The following GRIK2 variants were observed in gnomAD, a reference collection of about 807,000 sequenced individuals.
GRIK2 encodes glutamate receptor ionotropic, kainate 2.
A neutral mutation model predicts 100.3 loss-of-function variants in GRIK2; 32 were observed. The ratio of observed to expected loss-of-function variants is 0.32; its 90% CI spans 0.24 to 0.43. The LOEUF (loss-of-function observed/expected upper bound fraction) is 0.43. GRIK2 is among the 20% of genes least tolerant of loss of function. GRIK2 has a pLI of 1.00. For synonymous variants in GRIK2, 417 were observed against 389.4 expected (o/e 1.07, Z -0.83); for missense variants, 843 against 1,114.9 (o/e 0.76, Z 3.47).
chr6:101,920,489 A>G (rs973973612), intron 12 of GRIK2, among the ~76,000 whole-genome samples: 13 of 151,950 alleles, frequency 8.6e-5, no homozygotes, highest in Non-Finnish European at 1.6e-4. Flanking sequence ...TGAGAAGTAC[A>G]GTTTTAGCTG....
At chr6:101,988,261 C>A (rs1249545754) in intron 14 of GRIK2, among the ~76,000 whole-genome samples, 1 of 151,720 alleles carries the variant, frequency 6.6e-6, no homozygotes, top group Non-Finnish European at 1.5e-5. Context: ...TACATTTCCT[C>A]ACACCATTAT....
At chr6:102,030,776 C>G (rs559143179) in intron 14 of GRIK2, among the ~76,000 whole-genome samples, 57 of 151,152 alleles carry the variant, frequency 3.8e-4, no homozygotes, top group Admixed American at 1.6e-3. Context: ...CCTCTCCTGT[C>G]TTTTTCCACA....
intron 2 of GRIK2, among the ~76,000 whole-genome samples, chr6:101,541,376 C>CCCACACACACACATA (rs1554217240): frequency 7.2e-4 from 4 of 5,588 alleles, no homozygotes; most frequent in African/African-American, 1.1e-3. Context: ...GCGCACACAA[C>CCCACACACACACATA]CACACACACA....
chr6:101,834,839 T>C (rs1782957885), intron 10 of GRIK2, among the ~76,000 whole-genome samples: 1 of 151,628 alleles, frequency 6.6e-6, no homozygotes, highest in Non-Finnish European at 1.5e-5. Context: ...TTACTACAAA[T>C]AATAAAATAA....
At chr6:101,789,234 G>T (rs1325650438) in intron 7 of GRIK2, among the ~76,000 whole-genome samples, 8 of 152,088 alleles carry the variant, frequency 5.3e-5, no homozygotes, top group Non-Finnish European at 1.0e-4. Flanking sequence ...GTCAATTTTG[G>T]CTTTTGTTGC....
intron 2 of GRIK2, among the ~76,000 whole-genome samples, chr6:101,554,432 C>T (rs1044313616): frequency 5.3e-5 from 8 of 152,066 alleles, no homozygotes; most frequent in African/African-American, 1.9e-4. Context: ...TAATTTGTTG[C>T]TGTGAGGATA....
At chr6:101,807,451 C>A (rs561114480) in intron 9 of GRIK2, among the ~76,000 whole-genome samples, 1 of 152,008 alleles carries the variant, frequency 6.6e-6, no homozygotes, top group East Asian at 1.9e-4. Flanking sequence ...ACAAAGCTCA[C>A]CCAAATGAGA....
At position 101,944,015 on chromosome 6, in the gene GRIK2, G is replaced by T. The variant is rs374770390; in HGVS notation, c.2085+15383G>T. Reference sequence around the variant, plus strand: ...TTTTGAAGGAGGGGCCTGGCAGGAGGTGATTGGCTCATGAGGGCGGTTTTT... The same window carrying T: ...TTTTGAAGGAGGGGCCTGGCAGGAGTTGATTGGCTCATGAGGGCGGTTTTT... On this transcript the variant is annotated intron_variant, in intron 14 of 16. Coordinates refer to ENST00000369134, the MANE Select transcript of GRIK2 (RefSeq NM_021956.5). 9.2e-5 allele frequency among the ~76,000 whole-genome samples: 14 copies of T among 152,260 alleles called. No individual in the cohort carries two copies. In the East Asian group the frequency reaches 1.9e-3, roughly 21 times the overall value.
chr6:101,869,653 G>C (rs945602625), intron 11 of GRIK2, among the ~76,000 whole-genome samples: 2 of 151,862 alleles, frequency 1.3e-5, no homozygotes, highest in African/African-American at 4.8e-5. Flanking sequence ...TCACTGTCCA[G>C]TGTGCACAAA....
At chr6:101,908,119 A>G (rs1367147284) in intron 12 of GRIK2, among the ~76,000 whole-genome samples, 1 of 151,558 alleles carries the variant, frequency 6.6e-6, no homozygotes, top group Non-Finnish European at 1.5e-5. Flanking sequence ...CCGAGCTGTC[A>G]TTTAGTAAAG....
intron 2 of GRIK2, among the ~76,000 whole-genome samples, chr6:101,400,987 C>T (rs1775275369): frequency 1.3e-5 from 2 of 152,154 alleles, no homozygotes; most frequent in Admixed American, 6.5e-5. Context: ...TGTGTGTGTA[C>T]GCACACGCGT....
chr6:102,010,086 A>G (rs13208276), intron 14 of GRIK2, among the ~76,000 whole-genome samples: 42,078 of 151,942 alleles, frequency 0.28, 6,243 homozygotes, highest in East Asian at 0.34. Flanking sequence ...AGAAAGTTAC[A>G]GTATACTCAC....
At chr6:101,673,893 G>A (rs1185567169) in intron 4 of GRIK2, among the ~76,000 whole-genome samples, 1 of 152,220 alleles carries the variant, frequency 6.6e-6, no homozygotes, top group Non-Finnish European at 1.5e-5. Context: ...ATGGGCAAAT[G>A]ACATGAAAAG....
intron 7 of GRIK2, among the ~76,000 whole-genome samples, chr6:101,717,775 A>G (rs567306015): frequency 1.3e-5 from 2 of 151,906 alleles, no homozygotes; most frequent in South Asian, 4.2e-4. Flanking sequence ...ATGGCAACTG[A>G]GATTCACAAT....
intron 14 of GRIK2, among the ~76,000 whole-genome samples, chr6:101,978,410 A>T (rs1004684719): frequency 1.3e-5 from 2 of 151,986 alleles, no homozygotes; most frequent in Admixed American, 6.6e-5. Context: ...ATAGTAATAT[A>T]ATTGCTATTG....
At chr6:101,720,775 A>C (rs909582226) in intron 7 of GRIK2, among the ~76,000 whole-genome samples, 1 of 152,046 alleles carries the variant, frequency 6.6e-6, no homozygotes, top group Admixed American at 6.6e-5. Flanking sequence ...GCAAACTACT[A>C]AAAAAATAAA....
At chr6:101,783,129 A>G (rs954212846) in intron 7 of GRIK2, among the ~76,000 whole-genome samples, 2 of 152,028 alleles carry the variant, frequency 1.3e-5, no homozygotes, top group Non-Finnish European at 2.9e-5. Context: ...AAGTGCTGGG[A>G]TTACAGGCGT....
intron 15 of GRIK2, among the ~76,000 whole-genome samples, 155 bp downstream of exon 15, chr6:102,035,721 T>G (rs1253323792): frequency 6.6e-6 from 1 of 151,436 alleles, no homozygotes. Context: ...GTTATCATTT[T>G]GGACATATTC....
At chr6:101,623,167 C>A (rs1318128947) in intron 3 of GRIK2, among the ~76,000 whole-genome samples, 2 of 151,936 alleles carry the variant, frequency 1.3e-5, no homozygotes, top group African/African-American at 4.8e-5. Context: ...CAGGTTAGTG[C>A]AAATTGTTTA....
Sources: gnomAD v4.1 joint callset for allele counts (sites outside exome capture counted in the v4.1 genomes callset) on GRCh38, gnomAD v4.1.1 for gene constraint, MANE v1.5 for transcripts, NCBI Gene and HGNC (gene_info 2026-07-23, HGNC 2026-07-21) for gene names.